KCNJ3: variants seen among roughly 807,000 people sequenced by gnomAD.
KCNJ3 encodes the protein potassium inwardly rectifying channel subfamily J member 3.
KCNJ3 carries 4 observed loss-of-function variants against 39.2 expected under a neutral mutation model. That is an observed-to-expected ratio of 0.10 (90% CI 0.05 to 0.23). The LOEUF is 0.23. KCNJ3 is among the 10% of genes least tolerant of loss of function. The pLI, the probability that KCNJ3 is intolerant of heterozygous loss-of-function variation, is 1.00. For synonymous variants in KCNJ3, 230 were observed against 237.4 expected (o/e 0.97, Z 0.29); for missense variants, 276 against 634.9 (o/e 0.43, Z 6.08).
At chr2:154,827,830 G>A (rs561060939) in intron 2 of KCNJ3, among the ~76,000 whole-genome samples, 9 of 152,140 alleles carry the variant, frequency 5.9e-5, no homozygotes, top group East Asian at 3.9e-4. Flanking sequence ...ATATAAACAC[G>A]TCTTAGTCAT....
intron 2 of KCNJ3, among the ~76,000 whole-genome samples, chr2:154,729,248 G>A (rs1013667319): frequency 2.6e-5 from 4 of 152,176 alleles, no homozygotes; most frequent in East Asian, 1.9e-4. Context: ...ATTGCAAATC[G>A]GGTTTCTGTA....
chr2:154,800,876 G>A (rs1190693233), intron 2 of KCNJ3, among the ~76,000 whole-genome samples: 1 of 152,192 alleles, frequency 6.6e-6, no homozygotes, highest in African/African-American at 2.4e-5. Context: ...ATAACTGGAA[G>A]ATGGCTACAC....
intron 2 of KCNJ3, among the ~76,000 whole-genome samples, chr2:154,764,943 A>AC (rs372843536): frequency 1.3e-5 from 2 of 151,786 alleles, no homozygotes; most frequent in South Asian, 2.1e-4. Context: ...GATGCTCTCC[A>AC]CCCCCCAAAC....
chr2:154,830,817 A>G (rs1418215904), intron 2 of KCNJ3, among the ~76,000 whole-genome samples: 1 of 152,274 alleles, frequency 6.6e-6, no homozygotes, highest in East Asian at 1.9e-4. Context: ...CAAAACTGTC[A>G]GACAAATTTG....
At chr2:154,727,019 G>A (rs1218185969) in intron 2 of KCNJ3, among the ~76,000 whole-genome samples, 1 of 152,018 alleles carries the variant, frequency 6.6e-6, no homozygotes, top group African/African-American at 2.4e-5. Flanking sequence ...AAGAGGAAAG[G>A]GTGGGAGGGG....
chr2:154,730,694 G>A lies in KCNJ3; in HGVS notation c.919+20875G>A, dbSNP rs1032092403. The stretch of plus-strand genomic sequence containing the variant: ...AATATAAACATTAAACCCCATATAA[G>A]GTATTATAGAAACATCAAATTTTAT... On this transcript the variant is annotated intron_variant, in intron 2 of 2. Transcript: ENST00000295101. Among the ~76,000 whole-genome samples, 8 of 151,874 alleles carry A rather than the reference G, an allele frequency of 5.3e-5. No homozygotes were observed. In the East Asian group the frequency reaches 1.6e-3, roughly 30 times the overall value.
At chr2:154,717,109 A>ACT (rs1340288567) in intron 2 of KCNJ3, among the ~76,000 whole-genome samples, 4 of 152,202 alleles carry the variant, frequency 2.6e-5, no homozygotes, top group Non-Finnish European at 5.9e-5. Context: ...CATGGTGTGA[A>ACT]CTGAAACCTG....
chr2:154,840,880 CAG>C (rs1687563627), intron 2 of KCNJ3, among the ~76,000 whole-genome samples: 2 of 152,320 alleles, frequency 1.3e-5, no homozygotes, highest in Admixed American at 1.3e-4. Context: ...CATCTGCAAA[CAG>C]GGACAATTTG....
chr2:154,823,388 G>A (rs1687215554), intron 2 of KCNJ3, among the ~76,000 whole-genome samples: 3 of 142,842 alleles, frequency 2.1e-5, no homozygotes, highest in South Asian at 4.6e-4. Context: ...TTGCAGTACC[G>A]TAGAAACTTT....
At chr2:154,706,290 C>A (rs1227391950) in intron 1 of KCNJ3, among the ~76,000 whole-genome samples, 1 of 152,030 alleles carries the variant, frequency 6.6e-6, no homozygotes, top group African/African-American at 2.4e-5. Context: ...ACTGCATCAT[C>A]AACAAATTGC....
intron 2 of KCNJ3, among the ~76,000 whole-genome samples, chr2:154,789,595 G>C (rs1686591344): frequency 6.6e-6 from 1 of 151,856 alleles, no homozygotes; most frequent in South Asian, 2.1e-4. Context: ...TTCTGGGCAA[G>C]GTAAAAAAAG....
intron 2 of KCNJ3, among the ~76,000 whole-genome samples, chr2:154,834,853 A>C (rs1687423859): frequency 6.7e-6 from 1 of 148,286 alleles, no homozygotes; most frequent in South Asian, 2.1e-4. Flanking sequence ...TCTACATCAT[A>C]ATAACATACT....
At chr2:154,724,496 G>A (rs970974754) in intron 2 of KCNJ3, among the ~76,000 whole-genome samples, 8 of 152,116 alleles carry the variant, frequency 5.3e-5, no homozygotes, top group African/African-American at 1.9e-4. Flanking sequence ...ATTTTCTTTT[G>A]ATGTGTCGCC....
intron 1 of KCNJ3, among the ~76,000 whole-genome samples, chr2:154,702,244 T>A (rs1042231468): frequency 2.0e-5 from 3 of 151,988 alleles, no homozygotes; most frequent in African/African-American, 7.2e-5. Flanking sequence ...ATGTGTAGAA[T>A]TTTTAAGGCA....
intron 2 of KCNJ3, among the ~76,000 whole-genome samples, chr2:154,801,609 CTCT>C (rs1686820554): frequency 8.4e-6 from 1 of 118,492 alleles, no homozygotes; most frequent in Admixed American, 8.7e-5. Context: ...TTCTTTCTTT[CTCT>C]TTTTTTTGGT....
chr2:154,787,083 G>A (rs1235492121), intron 2 of KCNJ3, among the ~76,000 whole-genome samples: 2 of 152,112 alleles, frequency 1.3e-5, no homozygotes, highest in Non-Finnish European at 2.9e-5. Flanking sequence ...GAAAAAAAGG[G>A]TGTAAATTTA....
intron 2 of KCNJ3, among the ~76,000 whole-genome samples, chr2:154,838,888 TA>T: frequency 6.6e-6 from 1 of 151,836 alleles, no homozygotes; most frequent in South Asian, 2.1e-4. Flanking sequence ...TTTTCCAAAA[TA>T]ATTAAATTCC....
intron 2 of KCNJ3, among the ~76,000 whole-genome samples, chr2:154,713,624 C>T (rs894209498): frequency 6.6e-6 from 1 of 152,172 alleles, no homozygotes; most frequent in Non-Finnish European, 1.5e-5. Context: ...GCCCTCCTTG[C>T]TTCAAATGAG....
chr2:154,714,620 C>G (rs1177760864), intron 2 of KCNJ3, among the ~76,000 whole-genome samples: 2 of 152,132 alleles, frequency 1.3e-5, no homozygotes, highest in Non-Finnish European at 2.9e-5. Context: ...TCAAAGTCAC[C>G]TTGTCCAAAT....
Sources: gnomAD v4.1 joint callset for allele counts (sites outside exome capture counted in the v4.1 genomes callset) on GRCh38, gnomAD v4.1.1 for gene constraint, MANE v1.5 for transcripts, NCBI Gene and HGNC (gene_info 2026-07-23, HGNC 2026-07-21) for gene names.